The following DTX4 variants were observed in gnomAD, a reference collection of about 807,000 sequenced individuals.
DTX4 encodes the protein deltex E3 ubiquitin ligase 4, also known as E3 ubiquitin-protein ligase DTX4.
DTX4 carries 28 observed loss-of-function variants against 57.6 expected under a neutral mutation model. The observed-to-expected ratio is 0.49, with a 90% confidence interval of 0.36 to 0.67. The LOEUF (loss-of-function observed/expected upper bound fraction) is 0.67, where lower values mean the gene tolerates loss of function less well. DTX4 is among the 30% of genes least tolerant of loss of function. DTX4 has a pLI of 0.00. For missense variants in DTX4, 715 were observed against 836.8 expected, an observed-to-expected ratio of 0.85 and a Z score of 1.80; for synonymous variants, 316 against 331.0, an observed-to-expected ratio of 0.95 and a Z score of 0.49.
At chr11:59,177,144 T>C (rs992718911) in intron 1 of DTX4, among the ~76,000 whole-genome samples, 9 of 152,174 alleles carry the variant, frequency 5.9e-5, no homozygotes, top group Non-Finnish European at 7.3e-5. Context: ...TAGAATCTTA[T>C]TTGGGCACCT....
chr11:59,173,172 G>A (rs1862350167), intron 1 of DTX4, among the ~76,000 whole-genome samples: 2 of 152,156 alleles, frequency 1.3e-5, no homozygotes, highest in Admixed American at 1.3e-4. Flanking sequence ...CTTCGCAAAG[G>A]CTTCCTGCCC....
rs1862819730 is a variant in DTX4 at position 59,206,964 on chromosome 11, A to G, written c.*2055A>G. ...AATTTCCTGCCATAGTTAGGAAGGA[A>G]ACACCTGAACTAAATGGAAGAGACA... On this transcript the variant is annotated 3_prime_UTR_variant, in exon 9 of 9. Coordinates refer to ENST00000227451, the MANE Select transcript of DTX4 (RefSeq NM_015177.2). The G allele has an allele frequency of 6.6e-6, 1 of 152,284 alleles. No individual in the cohort carries two copies. Among genetic ancestry groups the G allele is most frequent in the African/African-American group, 2.4e-5 (1 of 41,440 alleles). 9.4% of individuals were successfully genotyped at this position (152,284 alleles called of 1,614,324 possible). A position where few individuals can be genotyped will look rare whatever the true frequency, so the allele number is the denominator to read the frequency against.
At chr11:59,204,342 G>T (rs1320576174) in intron 8 of DTX4, among the ~76,000 whole-genome samples, 1 of 152,196 alleles carries the variant, frequency 6.6e-6, no homozygotes. Flanking sequence ...TTAGTGCGTT[G>T]TAGGCACTGG....
At position 59,172,710 on chromosome 11, in the gene DTX4, C is replaced by A. The variant is rs1192748098; in HGVS notation, c.115C>A (p.Arg39Ser). 1 of 1,602,780 alleles carries A rather than the reference C, an allele frequency of 6.2e-7. No individual in the cohort carries two copies. Reference protein sequence around the residue: ...HIEAVVRAGPRAGGSVVLGQV... With the variant: ...HIEAVVRAGPSAGGSVVLGQV... ...CGAGGCGGTGGTCCGCGCCGGCCCC[C>A]GCGCGGGGGGCAGCGTGGTGCTGGG... The change falls in exon 1 of 9, where the codon CGC becomes AGC. Residue 39 changes from arginine (R) to serine (S), a missense_variant. Coordinates refer to ENST00000227451, the MANE Select transcript of DTX4 (RefSeq NM_015177.2).
chr11:59,172,248 G>C lies in DTX4; in HGVS notation c.-348G>C, dbSNP rs1862333833. ...TCAGCCCCAGCTCGCGGCCGCCGGG[G>C]CTCGGGCCGCGCGCCCGCCGAGTGG... is the stretch of plus-strand genomic sequence containing the variant. On this transcript the variant is annotated 5_prime_UTR_variant, in exon 1 of 9. Coordinates refer to ENST00000227451, the MANE Select transcript of DTX4 (RefSeq NM_015177.2). Among the ~76,000 whole-genome samples the C allele has an allele frequency of 6.6e-6, 1 of 152,058 alleles. No homozygotes were observed. Among genetic ancestry groups the C allele is most frequent in the South Asian group, 2.1e-4 (1 of 4,836 alleles).
At chr11:59,203,544 G>T (rs1241056911) in intron 8 of DTX4, among the ~76,000 whole-genome samples, 4 of 149,278 alleles carry the variant, frequency 2.7e-5, no homozygotes, top group African/African-American at 4.9e-5. Flanking sequence ...GAGTGGAACT[G>T]TCATCTCTTA....
intron 1 of DTX4, among the ~76,000 whole-genome samples, chr11:59,175,042 G>T (rs1026038053): frequency 6.6e-6 from 1 of 152,136 alleles, no homozygotes; most frequent in South Asian, 2.1e-4. Flanking sequence ...AGAATCTCTG[G>T]GTTTCTTAGC....
chr11:59,195,221 A>G lies in DTX4; in HGVS notation c.1388A>G (p.Gln463Arg). ...YNNGNKDGSL[Q>R]CPTCKTIYGV... ...TTGGCCCCTCAGGATGGAAGTTTGC[A>G]GTGTCCAACCTGCAAGACCATTTAT... Residue 463 changes from glutamine to arginine, a missense_variant, in exon 7 of 9, where the codon CAG (glutamine) becomes CGG (arginine). Coordinates refer to ENST00000227451, the MANE Select transcript of DTX4 (RefSeq NM_015177.2). 1.9e-6 allele frequency: 3 copies of G among 1,613,950 alleles called. No individual in the cohort carries two copies. The highest frequency in any genetic ancestry group is 2.5e-6 in the Non-Finnish European group (3 of 1,179,866).
At chr11:59,190,947 CA>C (rs1418342528) in intron 4 of DTX4, among the ~76,000 whole-genome samples, 166 bp from the exon 5 acceptor site, 1 of 152,178 alleles carries the variant, frequency 6.6e-6, no homozygotes, top group Non-Finnish European at 1.5e-5. Flanking sequence ...AGCTTTTCCA[CA>C]ATCCATACTC....
chr11:59,189,049 A>G, intron 3 of DTX4, 113 bp from the exon 4 acceptor site: 1 of 1,313,844 alleles, frequency 7.6e-7, no homozygotes, highest in Non-Finnish European at 1.1e-6. Context: ...TCCAGGAATT[A>G]TGAGAACTTT....
rs750233515 is a variant in DTX4 at position 59,182,348 on chromosome 11, C to T, written c.821C>T (p.Pro274Leu). The part of the protein sequence containing the change: ...SMPTGTTMGS[P>L]ASPPGPNSKT... The stretch of plus-strand genomic sequence containing the variant: ...CCCACTGGGACAACCATGGGCTCTC[C>T]TGCCAGTCCCCCAGGACCCAACAGC... The change falls in exon 2 of 9, where the codon CCT becomes CTT. Residue 274 changes from proline (P) to leucine (L), a missense_variant. Pro to Leu is a moderately conservative substitution (Grantham distance 98). Transcript: ENST00000227451. 6 of 1,613,554 alleles carry T rather than the reference C, an allele frequency of 3.7e-6. No individual in the cohort carries two copies. Among genetic ancestry groups the T allele is most frequent in the Non-Finnish European group, 5.1e-6 (6 of 1,179,858 alleles).
chr11:59,182,258 G>C lies in DTX4; in HGVS notation c.731G>C (p.Gly244Ala). The C allele has an allele frequency of 1.2e-6, 2 of 1,612,158 alleles. No individual in the cohort carries two copies. Among genetic ancestry groups the C allele is most frequent in the South Asian group, 1.1e-5 (1 of 91,022 alleles). Residue 244 changes from glycine to alanine, a missense_variant, in exon 2 of 9, where the codon GGC becomes GCC. Gly to Ala is a moderately conservative substitution (Grantham distance 60). Coordinates refer to ENST00000227451, the MANE Select transcript of DTX4 (RefSeq NM_015177.2). ...GGGGCCAAGCCACTGGACAGCACAG[G>C]CACCATTCGAGGCCCACTGAAGACC... Reference protein sequence around the residue: ...GSGAKPLDSTGTIRGPLKTAP... With the variant: ...GSGAKPLDSTATIRGPLKTAP...
intron 3 of DTX4, 67 bp from the exon 4 acceptor site, chr11:59,189,093 AAG>A: frequency 6.3e-7 from 1 of 1,575,070 alleles, no homozygotes; most frequent in Non-Finnish European, 8.7e-7. Context: ...TTAATGGGGA[AAG>A]AGGAATTTGG....
chr11:59,199,711 A>G lies in DTX4; in HGVS notation c.1564A>G (p.Ser522Gly). Residue 522 changes from serine (S) to glycine (G), a missense_variant, in exon 8 of 9, where the codon AGT (serine) becomes GGT (glycine). Coordinates refer to ENST00000227451, the MANE Select transcript of DTX4 (RefSeq NM_015177.2). Reference sequence around the variant, plus strand: ...ACCGGAACACCCGAATCCTGGGAAGAGTTTCAGCGCCCGAGGCTTCCCACG... The same window carrying G: ...ACCGGAACACCCGAATCCTGGGAAGGGTTTCAGCGCCCGAGGCTTCCCACG... The part of the protein sequence containing the change: ...QGPEHPNPGK[S>G]FSARGFPRHC... 1 of 1,578,422 alleles carries G rather than the reference A, an allele frequency of 6.3e-7. No individual in the cohort carries two copies. The highest frequency in any genetic ancestry group is 8.6e-7 in the Non-Finnish European group (1 of 1,161,830).
chr11:59,201,139 C>A (rs2135526340), intron 8 of DTX4, among the ~76,000 whole-genome samples: 1 of 152,318 alleles, frequency 6.6e-6, no homozygotes, highest in East Asian at 1.9e-4. Context: ...ATGGTGCCTT[C>A]TCACTGTGTC....
chr11:59,195,477 C>T lies in DTX4; in HGVS notation c.1536+108C>T, dbSNP rs76348780. 183 of 1,296,380 alleles carry T rather than the reference C, an allele frequency of 1.4e-4. 1 individual carries two copies. The East Asian group carries it at 3.8e-3, about 27-fold the overall frequency. 80.3% of individuals were successfully genotyped at this position (1,296,380 alleles called of 1,614,324 possible). ...GAAGAGTCTCCTTCCCACACTTTTC[C>T]GCCATCTACCCAGCCTTGCCCGCTG... On this transcript the variant is annotated intron_variant, in intron 7 of 8. Transcript: ENST00000227451.
intron 2 of DTX4, 78 bp downstream of exon 2, chr11:59,182,540 A>C: frequency 6.9e-7 from 1 of 1,447,246 alleles, no homozygotes; most frequent in South Asian, 1.5e-5. Flanking sequence ...GATCAGAAGG[A>C]GGGGCTGCCA....
chr11:59,199,099 T>C (rs931330257), intron 7 of DTX4, among the ~76,000 whole-genome samples: 1 of 152,178 alleles, frequency 6.6e-6, no homozygotes, highest in Admixed American at 6.5e-5. Context: ...CAAAAACCCA[T>C]GAGGACAAAG....
chr11:59,189,260 A>G lies in DTX4; in HGVS notation c.1096A>G (p.Ile366Val), dbSNP rs746832660. The change falls in exon 4 of 9, where the codon ATA (isoleucine) becomes GTA (valine). Residue 366 changes from isoleucine (I) to valine (V), a missense_variant. Transcript: ENST00000227451. The part of the protein sequence containing the change: ...LHPPPVSKSE[I>V]KSIPGVSNTS... ...CCCACCCCCCGTCAGCAAGAGTGAA[A>G]TAAAATCCATCCCAGGGGTTTCCAA... is the stretch of plus-strand genomic sequence containing the variant. The G allele has an allele frequency of 1.9e-6, 3 of 1,601,526 alleles. No homozygotes were observed. Among genetic ancestry groups the G allele is most frequent in the Non-Finnish European group, 2.6e-6 (3 of 1,174,212 alleles).
Sources: allele counts gnomAD v4.1 joint callset (sites outside exome capture counted in the v4.1 genomes callset), GRCh38; gene constraint gnomAD v4.1.1; transcripts MANE v1.5; gene names NCBI Gene and HGNC (gene_info 2026-07-23, HGNC 2026-07-21).